The following NTAQ1 variants were observed in gnomAD, a reference collection of about 807,000 sequenced individuals.
NTAQ1 encodes the protein protein N-terminal glutamine amidohydrolase.
A neutral mutation model predicts 28.2 loss-of-function variants in NTAQ1; 21 were observed. That is an observed-to-expected ratio of 0.74 (90% CI 0.53 to 1.07). The LOEUF is 1.07. NTAQ1 is among the 50% of genes least tolerant of loss of function. NTAQ1 has a pLI of 0.00. For synonymous variants in NTAQ1, 105 were observed against 90.0 expected (o/e 1.17, Z -0.94); for missense variants, 264 against 256.6 (o/e 1.03, Z -0.20).
exon 7 of NTAQ1, among the ~76,000 whole-genome samples, chr8:123,467,823 C>T (rs1815992357): frequency 6.6e-6 from 1 of 152,230 alleles, no homozygotes; most frequent in Non-Finnish European, 1.5e-5. Context: ...GGTCTCGGCT[C>T]ACTGCAACCT....
intron 6 of NTAQ1, among the ~76,000 whole-genome samples, chr8:123,465,573 T>TA (rs1292832379): frequency 6.9e-5 from 7 of 101,476 alleles, no homozygotes; most frequent in African/African-American, 2.3e-4. Flanking sequence ...CAGCATAACA[T>TA]CTTTTTTTTT....
At chr8:123,449,541 C>T (rs549984654), downstream of NTAQ1, among the ~76,000 whole-genome samples, 1 of 152,138 alleles carries the variant, frequency 6.6e-6, no homozygotes. Context: ...TGTATCACTG[C>T]CCTGGTGATT....
At chr8:123,416,753 C>T, upstream of NTAQ1, 1 of 1,247,030 alleles carries the variant, frequency 8.0e-7, no homozygotes, top group Non-Finnish European at 1.1e-6. Flanking sequence ...GCCCACCCCA[C>T]GCCGGGAACC....
intron 6 of NTAQ1, among the ~76,000 whole-genome samples, chr8:123,454,325 G>A (rs919776944): frequency 6.6e-6 from 1 of 151,992 alleles, no homozygotes; most frequent in East Asian, 1.9e-4. Flanking sequence ...TGCTATAATT[G>A]CTCCCTTGAT....
chr8:123,465,366 A>G (rs1272211238), intron 6 of NTAQ1, among the ~76,000 whole-genome samples: 1 of 152,032 alleles, frequency 6.6e-6, no homozygotes, highest in Non-Finnish European at 1.5e-5. Flanking sequence ...ATCACTACCA[A>G]AACAAGGACA....
Position 123,441,288 on chromosome 8 carries a change from T to A in NTAQ1, c.509-18T>A. On this transcript the variant is annotated intron_variant, in intron 5 of 5. Transcript: ENST00000287387. ...ATTGTGTTTTCAGTGGACATTTTTT[T>A]TTCATATATTTTTTTAGATTCCAAA... The A allele has an allele frequency of 6.3e-7, 1 of 1,581,992 alleles. No homozygotes were observed. The highest frequency in any genetic ancestry group is 8.6e-7 in the Non-Finnish European group (1 of 1,165,006).
At chr8:123,430,903 C>G (rs891373088) in intron 3 of NTAQ1, among the ~76,000 whole-genome samples, 2 of 152,182 alleles carry the variant, frequency 1.3e-5, no homozygotes, top group Non-Finnish European at 2.9e-5. Context: ...TACTCCCACC[C>G]CTTTATTTTT....
intron 1 of NTAQ1, among the ~76,000 whole-genome samples, chr8:123,419,771 T>TC (rs1813563111): frequency 2.1e-4 from 7 of 32,634 alleles, no homozygotes; most frequent in Admixed American, 9.2e-4. Flanking sequence ...TTCCTTCCTT[T>TC]CTTCCCTCCC....
At position 123,427,139 on chromosome 8, in the gene NTAQ1, G is replaced by T. The variant is rs540973277; in HGVS notation, c.84-785G>T. 3.1e-4 allele frequency among the ~76,000 whole-genome samples: 47 copies of T among 151,832 alleles called. No individual in the cohort carries two copies. The South Asian group carries it at 5.4e-3, about 17-fold the overall frequency. On this transcript the variant is annotated intron_variant, in intron 1 of 5. Transcript: ENST00000287387. Reference sequence around the variant, plus strand: ...ACCCATCCTGCCCCATTTCTAAAGAGAGCAGGGAACCAGTGTTAACTAAGA... The same window carrying T: ...ACCCATCCTGCCCCATTTCTAAAGATAGCAGGGAACCAGTGTTAACTAAGA...
intron 1 of NTAQ1, among the ~76,000 whole-genome samples, chr8:123,420,590 C>T (rs1352689590): frequency 2.9e-5 from 3 of 102,056 alleles, no homozygotes; most frequent in Non-Finnish European, 1.8e-5. Flanking sequence ...TATTTTTTGC[C>T]TTTTTTTTTT....
At chr8:123,420,590 CTTT>C (rs71310676) in intron 1 of NTAQ1, among the ~76,000 whole-genome samples, 1 of 102,034 alleles carries the variant, frequency 9.8e-6, no homozygotes, top group East Asian at 3.4e-4. Flanking sequence ...TATTTTTTGC[CTTT>C]TTTTTTTTTT....
chr8:123,429,019 C>T (rs1814238458), intron 2 of NTAQ1, among the ~76,000 whole-genome samples: 2 of 152,164 alleles, frequency 1.3e-5, no homozygotes, highest in Admixed American at 6.5e-5. Context: ...AATAGAACTA[C>T]AGTCAACTTA....
chr8:123,422,109 C>T (rs1586927148), intron 1 of NTAQ1, among the ~76,000 whole-genome samples: 1 of 151,720 alleles, frequency 6.6e-6, no homozygotes, highest in East Asian at 1.9e-4. Context: ...AGCCACTGTG[C>T]CTATCTGCTT....
At chr8:123,471,834 A>G (rs910974303), downstream of NTAQ1, among the ~76,000 whole-genome samples, 2 of 152,062 alleles carry the variant, frequency 1.3e-5, no homozygotes, top group African/African-American at 4.8e-5. Context: ...ATCCAAAAAC[A>G]CTCTCACACA....
chr8:123,455,834 T>G (rs1815634532), intron 6 of NTAQ1, among the ~76,000 whole-genome samples: 1 of 152,186 alleles, frequency 6.6e-6, no homozygotes, highest in African/African-American at 2.4e-5. Context: ...ATATTGCTAA[T>G]TTTAAGTGTA....
At chr8:123,443,397 A>G (rs1815151769), downstream of NTAQ1, among the ~76,000 whole-genome samples, 1 of 152,226 alleles carries the variant, frequency 6.6e-6, no homozygotes, top group African/African-American at 2.4e-5. Context: ...CCTACAGGGT[A>G]AACCTGCTCT....
chr8:123,464,307 T>C (rs1815910820), intron 6 of NTAQ1, among the ~76,000 whole-genome samples: 1 of 152,064 alleles, frequency 6.6e-6, no homozygotes, highest in Non-Finnish European at 1.5e-5. Context: ...CCCTTCAGCT[T>C]AGAGCAATTT....
intron 6 of NTAQ1, among the ~76,000 whole-genome samples, chr8:123,462,664 C>T (rs145808396): frequency 2.8e-3 from 431 of 152,298 alleles, no homozygotes; most frequent in Middle Eastern, 0.014. Context: ...GATTACGAAG[C>T]GGACACTCAA....
chr8:123,465,123 A>G (rs1194940079), intron 6 of NTAQ1, among the ~76,000 whole-genome samples: 1 of 152,180 alleles, frequency 6.6e-6, no homozygotes. Context: ...CGAATTTAAG[A>G]CTCAGAAGAA....
Sources: gnomAD v4.1 joint callset for allele counts (sites outside exome capture counted in the v4.1 genomes callset) on GRCh38, gnomAD v4.1.1 for gene constraint, MANE v1.5 for transcripts, NCBI Gene and HGNC (gene_info 2026-07-23, HGNC 2026-07-21) for gene names.